Variants in SPATA6 observed in about 807,000 individuals in gnomAD.
SPATA6 encodes spermatogenesis associated 6.
Under a neutral mutation model 65.3 loss-of-function variants are expected in SPATA6, and 56 were observed. That is an observed-to-expected ratio of 0.86 (90% confidence interval 0.69 to 1.07). The LOEUF is 1.07. Among genes scored for constraint, SPATA6 ranks in the 50% least tolerant of loss-of-function variants. The pLI is 0.00. For missense variants in SPATA6, 590 were observed against 594.8 expected, an observed-to-expected ratio of 0.99 and a Z score of 0.08; for synonymous variants, 199 against 213.2, an observed-to-expected ratio of 0.93 and a Z score of 0.58.
chr1:48,281,816 T>C, the SPATA6 span, among the ~76,000 whole-genome samples: 9 of 152,144 alleles, frequency 5.9e-5, no homozygotes, highest in Middle Eastern at 3.4e-3. Flanking sequence ...ACTTTCTTCA[T>C]AGAATTGGAA....
chr1:48,286,987 C>T, the SPATA6 span, among the ~76,000 whole-genome samples: 7 of 147,758 alleles, frequency 4.7e-5, no homozygotes, highest in African/African-American at 7.6e-5. Context: ...TGCAGTGAGC[C>T]GAGATCACGC....
chr1:48,312,930 T>C (rs1645267714), intron 11 of SPATA6, among the ~76,000 whole-genome samples: 1 of 152,130 alleles, frequency 6.6e-6, no homozygotes, highest in East Asian at 1.9e-4. Flanking sequence ...TTCAATCAAC[T>C]GTAAGAAAGG....
At chr1:48,284,401 T>C in the SPATA6 span, among the ~76,000 whole-genome samples, 1 of 152,206 alleles carries the variant, frequency 6.6e-6, no homozygotes, top group African/African-American at 2.4e-5. Context: ...AGGAGTTTGT[T>C]ATTATGCACC....
At chr1:48,458,400 T>C (rs1657166729) in intron 1 of SPATA6, among the ~76,000 whole-genome samples, 1 of 152,290 alleles carries the variant, frequency 6.6e-6, no homozygotes, top group South Asian at 2.1e-4. Context: ...AAAAGCATTA[T>C]GTTAAGTGAA....
chr1:48,274,882 A>G, the SPATA6 span, among the ~76,000 whole-genome samples: 1 of 152,194 alleles, frequency 6.6e-6, no homozygotes, highest in Admixed American at 6.5e-5. Context: ...GAAGAAAGTC[A>G]ATGGTAGCTT....
At chr1:48,338,217 G>T (rs141132025) in intron 11 of SPATA6, among the ~76,000 whole-genome samples, 4 of 151,966 alleles carry the variant, frequency 2.6e-5, no homozygotes, top group African/African-American at 9.7e-5. Context: ...TAAACACAGC[G>T]GAGGGGTAAA....
intron 2 of SPATA6, 44 bp from the exon 3 acceptor site, chr1:48,451,644 A>AT (rs751603051): frequency 1.2e-5 from 18 of 1,564,904 alleles, no homozygotes; most frequent in Admixed American, 6.0e-5. Context: ...GAAGATATAT[A>AT]TTTTTTTTCT....
chr1:48,437,495 T>C (rs1655047541), intron 3 of SPATA6, among the ~76,000 whole-genome samples: 2 of 152,232 alleles, frequency 1.3e-5, no homozygotes, highest in African/African-American at 2.4e-5. Context: ...TAACTCTTTT[T>C]ATCTCTCAAT....
intron 9 of SPATA6, among the ~76,000 whole-genome samples, chr1:48,380,061 T>G (rs975344785): frequency 1.3e-5 from 2 of 152,192 alleles, no homozygotes; most frequent in African/African-American, 4.8e-5. Flanking sequence ...CAATTATACC[T>G]TAATAAAGCT....
At chr1:48,390,929 G>A (rs939616615) in intron 8 of SPATA6, among the ~76,000 whole-genome samples, 3 of 151,908 alleles carry the variant, frequency 2.0e-5, no homozygotes. Context: ...TTTTACACGA[G>A]GTCAACTTCT....
rs770336301 is a variant in SPATA6, at chr1:48,356,664, C to A, written c.1095-895G>T. On this transcript the variant is annotated intron_variant, in intron 10 of 12. Coordinates refer to ENST00000371847, the MANE Select transcript of SPATA6 (RefSeq NM_019073.4). ...GAGTAGCTGGGATTGCCTGCCACTA[C>A]ACCTGGCTAATTTTTGTATTTTTAG... is the stretch of plus-strand genomic sequence containing the variant. Among the ~76,000 whole-genome samples the A allele has an allele frequency of 2.6e-5, 4 of 151,910 alleles. No individual in the cohort carries two copies. In the East Asian group the frequency reaches 7.7e-4, roughly 29 times the overall value.
intron 10 of SPATA6, among the ~76,000 whole-genome samples, chr1:48,356,515 T>C (rs1646665299): frequency 6.9e-6 from 1 of 144,330 alleles, no homozygotes; most frequent in African/African-American, 2.5e-5. Context: ...CCTTTCTTTT[T>C]TTTTTTTTTT....
chr1:48,311,855 G>A (rs970912127), intron 11 of SPATA6, among the ~76,000 whole-genome samples: 7 of 152,130 alleles, frequency 4.6e-5, no homozygotes, highest in African/African-American at 1.2e-4. Flanking sequence ...CTGGAAATTC[G>A]GGTCACTCCC....
At chr1:48,305,381 G>T (rs944552627) in intron 12 of SPATA6, among the ~76,000 whole-genome samples, 7 of 152,058 alleles carry the variant, frequency 4.6e-5, no homozygotes, top group Non-Finnish European at 1.0e-4. Context: ...GATGAAATTT[G>T]CTCATATAAA....
intron 11 of SPATA6, among the ~76,000 whole-genome samples, chr1:48,313,223 A>G (rs908687433): frequency 6.6e-6 from 1 of 152,114 alleles, no homozygotes; most frequent in Non-Finnish European, 1.5e-5. Context: ...GAGAAGAGCA[A>G]CTCCAAGACA....
intron 9 of SPATA6, among the ~76,000 whole-genome samples, chr1:48,362,877 G>A (rs934005842): frequency 2.6e-5 from 4 of 152,056 alleles, no homozygotes; most frequent in Non-Finnish European, 5.9e-5. Context: ...AGGTGGGAGG[G>A]ATACATTGTA....
At chr1:48,356,375 G>C (rs1039860140) in intron 10 of SPATA6, among the ~76,000 whole-genome samples, 7 of 150,002 alleles carry the variant, frequency 4.7e-5, no homozygotes, top group Non-Finnish European at 3.0e-5. Context: ...ATAGATAAAC[G>C]ACTTTATTTC....
intron 2 of SPATA6, 146 bp downstream of exon 2, chr1:48,452,848 C>T: frequency 1.0e-6 from 1 of 969,288 alleles, no homozygotes; most frequent in Non-Finnish European, 1.4e-6. Flanking sequence ...AATTTTCAAG[C>T]TTCCAGGCTT....
At chr1:48,442,945 G>A (rs1655663653) in intron 3 of SPATA6, among the ~76,000 whole-genome samples, 1 of 152,102 alleles carries the variant, frequency 6.6e-6, no homozygotes, top group Non-Finnish European at 1.5e-5. Flanking sequence ...TCCTAGCAGG[G>A]AATCTAAATC....
Sources: gnomAD v4.1 joint callset for allele counts (sites outside exome capture counted in the v4.1 genomes callset) on GRCh38, gnomAD v4.1.1 for gene constraint, MANE v1.5 for transcripts, NCBI Gene and HGNC (gene_info 2026-07-23, HGNC 2026-07-21) for gene names.